Variants in RTN1 observed in about 807,000 individuals in gnomAD.
RTN1 encodes the protein reticulon-1.
In RTN1, 25 loss-of-function variants were observed where a neutral mutation model predicts 65.5. The ratio of observed to expected loss-of-function variants is 0.38; its 90% CI spans 0.28 to 0.53. The LOEUF is 0.53. Among genes scored for constraint, RTN1 ranks in the 20% least tolerant of loss-of-function variants. The probability of loss-of-function intolerance (pLI) is 0.79; values close to 1 mark genes in which losing one functional copy is unlikely to be tolerated. For synonymous variants in RTN1, 471 were observed against 447.6 expected, an observed-to-expected ratio of 1.05 and a Z score of -0.66; for missense variants, 983 against 1,025.4, an observed-to-expected ratio of 0.96 and a Z score of 0.57.
chr14:59,637,424 T>C (rs1245901119), intron 3 of RTN1, among the ~76,000 whole-genome samples: 1 of 152,106 alleles, frequency 6.6e-6, no homozygotes, highest in Non-Finnish European at 1.5e-5. Context: ...TCCATAAAGA[T>C]TGGAATCAGC....
chr14:59,761,654 C>G (rs1052167175), intron 1 of RTN1, among the ~76,000 whole-genome samples: 1 of 152,176 alleles, frequency 6.6e-6, no homozygotes, highest in African/African-American at 2.4e-5. Context: ...TCCACAAGAT[C>G]AAGCTAAAGC....
intron 3 of RTN1, chr14:59,630,886 G>A (rs916870142): frequency 8.2e-6 from 8 of 978,092 alleles, no homozygotes; most frequent in Non-Finnish European, 9.7e-6. Context: ...GACGGTGGGG[G>A]TGAGAGGAGG....
At chr14:59,818,987 T>G (rs1886872974) in intron 1 of RTN1, among the ~76,000 whole-genome samples, 1 of 152,136 alleles carries the variant, frequency 6.6e-6, no homozygotes, top group Non-Finnish European at 1.5e-5. Flanking sequence ...GTCCGTTCCT[T>G]CCAGTGGGTT....
At chr14:59,771,023 C>T (rs375462713) in intron 1 of RTN1, among the ~76,000 whole-genome samples, 16 of 149,954 alleles carry the variant, frequency 1.1e-4, no homozygotes, top group Non-Finnish European at 1.6e-4. Flanking sequence ...CCAGCCTGGG[C>T]GACAGAGTGA....
chr14:59,655,837 T>C (rs974424541), intron 3 of RTN1, among the ~76,000 whole-genome samples: 3 of 152,060 alleles, frequency 2.0e-5, no homozygotes, highest in African/African-American at 7.2e-5. Flanking sequence ...AAAAATTAAC[T>C]CAAAATAGAT....
At chr14:59,867,273 G>A (rs1325288765) in intron 1 of RTN1, among the ~76,000 whole-genome samples, 4 of 152,118 alleles carry the variant, frequency 2.6e-5, no homozygotes, top group Non-Finnish European at 4.4e-5. Flanking sequence ...AACTGATCAT[G>A]AAAAAACAGA....
At chr14:59,597,389 T>C (rs1881434948) in intron 8 of RTN1, among the ~76,000 whole-genome samples, 1 of 152,264 alleles carries the variant, frequency 6.6e-6, no homozygotes, top group Admixed American at 6.5e-5. Context: ...ATAGACTAGA[T>C]ATCTCCAGGG....
At chr14:59,834,977 T>C (rs1887189123) in intron 1 of RTN1, among the ~76,000 whole-genome samples, 1 of 152,248 alleles carries the variant, frequency 6.6e-6, no homozygotes, top group Admixed American at 6.5e-5. Flanking sequence ...ACCTACTTTA[T>C]GATCCAGCCA....
intron 3 of RTN1, among the ~76,000 whole-genome samples, chr14:59,694,615 G>T (rs1884026169): frequency 1.3e-5 from 2 of 152,184 alleles, no homozygotes; most frequent in African/African-American, 4.8e-5. Context: ...ATGCTATATG[G>T]TGTCTTAGAG....
Position 59,803,471 on chromosome 14 carries a change from C to T in RTN1, c.242-56990G>A, listed in dbSNP as rs536432002. ...CAACTATCCAGATAATTCAGGCCAC[C>T]CAAATCTACTCTGGCCTGAATTATT... On this transcript the variant is annotated intron_variant, in intron 1 of 8. Transcript: ENST00000267484. The surrounding 1 kb of genome is among the most constrained non-coding windows in gnomAD (Gnocchi z 5.6). Among the ~76,000 whole-genome samples, 1 of 152,216 alleles carries T rather than the reference C, an allele frequency of 6.6e-6. No homozygotes were observed. Among genetic ancestry groups the T allele is most frequent in the East Asian group, 1.9e-4 (1 of 5,152 alleles).
intron 1 of RTN1, among the ~76,000 whole-genome samples, chr14:59,780,306 T>C (rs755960681): frequency 2.4e-4 from 37 of 152,338 alleles, no homozygotes; most frequent in Middle Eastern, 6.8e-3. Context: ...TACTGAAACC[T>C]AACCTTCCTA....
intron 3 of RTN1, among the ~76,000 whole-genome samples, chr14:59,691,597 C>A (rs554948080): frequency 6.6e-6 from 1 of 152,148 alleles, no homozygotes; most frequent in Admixed American, 6.6e-5. Flanking sequence ...GACACCATCA[C>A]CCTGATATCA....
At chr14:59,827,081 T>C (rs1887044622) in intron 1 of RTN1, among the ~76,000 whole-genome samples, 2 of 152,028 alleles carry the variant, frequency 1.3e-5, no homozygotes, top group East Asian at 1.9e-4. Context: ...GTTGTTGTTG[T>C]TGTTGTTGTT....
chr14:59,596,777 T>C lies in RTN1; in HGVS notation c.2299A>G (p.Lys767Glu). The part of the protein sequence containing the change: ...INAVVAKIQA[K>E]IPGAKRHAE The stretch of plus-strand genomic sequence containing the variant: ...GCATGCCTCTTAGCGCCTGGGATTT[T>C]AGCCTGAATCCTAAAAAGACAGTAT... The change falls in exon 9 of 9, where the codon AAA becomes GAA. Residue 767 changes from lysine to glutamate, a missense_variant. Coordinates refer to ENST00000267484, the MANE Select transcript of RTN1 (RefSeq NM_021136.3). The C allele has an allele frequency of 1.2e-6, 2 of 1,611,486 alleles. No homozygotes were observed. The highest frequency in any genetic ancestry group is 8.5e-7 in the Non-Finnish European group (1 of 1,177,668).
chr14:59,844,305 G>A (rs777334878), intron 1 of RTN1, among the ~76,000 whole-genome samples: 1 of 152,204 alleles, frequency 6.6e-6, no homozygotes, highest in African/African-American at 2.4e-5. Flanking sequence ...CTTATCACAG[G>A]TGTGGGTTAG....
intron 3 of RTN1, among the ~76,000 whole-genome samples, chr14:59,645,714 C>G (rs1481144136): frequency 3.3e-5 from 5 of 152,188 alleles, no homozygotes; most frequent in African/African-American, 1.2e-4. Flanking sequence ...GGAAAAGTGT[C>G]CATACTGTTC....
At position 59,642,177 on chromosome 14, in the gene RTN1, G is replaced by A. The variant is rs144180504; in HGVS notation, c.1766-34685C>T. ...AAATATTTCATTCCACCAACATCTA[G>A]ACTTAATAATTTCAGTTGAAAGGTC... On this transcript the variant is annotated intron_variant, in intron 3 of 8. Coordinates refer to ENST00000267484, the MANE Select transcript of RTN1 (RefSeq NM_021136.3). Among the ~76,000 whole-genome samples the A allele has an allele frequency of 8.4e-3, 1,286 of 152,190 alleles. 12 individuals carry two copies. The highest frequency in any genetic ancestry group is 0.018 in the Admixed American group (268 of 15,284).
rs544751968 is a variant in RTN1, at chr14:59,717,140, G to A, written c.1765+9779C>T. Reference sequence around the variant, plus strand: ...GTTTTCAGAAGTAGAATCAAACTGAGCTCCTAGAGATGTTAGGGAGAGGTA... The same window carrying A: ...GTTTTCAGAAGTAGAATCAAACTGAACTCCTAGAGATGTTAGGGAGAGGTA... On this transcript the variant is annotated intron_variant, in intron 3 of 8. Coordinates refer to ENST00000267484, the MANE Select transcript of RTN1 (RefSeq NM_021136.3). Among the ~76,000 whole-genome samples, 11 of 152,322 alleles carry A rather than the reference G, an allele frequency of 7.2e-5. 1 individual carries two copies. The highest frequency in any genetic ancestry group is 2.0e-4 in the Admixed American group (3 of 15,294).
chr14:59,750,367 T>A (rs1408946195), intron 1 of RTN1, among the ~76,000 whole-genome samples: 364 of 33,900 alleles, frequency 0.011, 14 homozygotes, highest in Admixed American at 0.014. Context: ...ATCTATATAT[T>A]ATATCTATAT....
Sources: gnomAD v4.1 joint callset for allele counts (sites outside exome capture counted in the v4.1 genomes callset) on GRCh38, gnomAD v4.1.1 for gene constraint, Gnocchi (gnomAD v3.1) non-coding constraint, MANE v1.5 for transcripts, NCBI Gene and HGNC (gene_info 2026-07-23, HGNC 2026-07-21) for gene names.